RASAL3: variants seen among roughly 807,000 people sequenced by gnomAD.
RASAL3 encodes RAS protein activator like 3, also known as RAS protein activator like-3.
Under a neutral mutation model 105.5 loss-of-function variants are expected in RASAL3, and 74 were observed. The observed-to-expected ratio is 0.70, with a 90% CI of 0.58 to 0.85. RASAL3 has a LOEUF of 0.85. Among genes scored for constraint, RASAL3 ranks in the 40% least tolerant of loss-of-function variants. The pLI, the probability that RASAL3 is intolerant of heterozygous loss-of-function variation, is 0.00. For synonymous variants in RASAL3, 579 were observed against 591.6 expected, an observed-to-expected ratio of 0.98 and a Z score of 0.31; for missense variants, 1,352 against 1,392.0, an observed-to-expected ratio of 0.97 and a Z score of 0.46.
In RASAL3 at chr19:15,456,010, T is replaced by A; in HGVS notation, c.1721+94A>T. Reference sequence around the variant, plus strand: ...AATTATTGCATCAAATTTAACTGAGTGTCTCCTGTATTTTATCTGGCCACC... The same window carrying A: ...AATTATTGCATCAAATTTAACTGAGAGTCTCCTGTATTTTATCTGGCCACC... On this transcript the variant is annotated intron_variant, in intron 11 of 17. Transcript: ENST00000343625. This position sits in a 1 kb window ranked among gnomAD's most constrained non-coding sequence, Gnocchi z 4.4. The A allele has an allele frequency of 7.3e-7, 1 of 1,374,916 alleles. No homozygotes were observed. Among genetic ancestry groups the A allele is most frequent in the Non-Finnish European group, 1.0e-6 (1 of 1,000,460 alleles). 85.2% of individuals were successfully genotyped at this position (1,374,916 alleles called of 1,614,324 possible).
rs755610860 is a variant in RASAL3 at position 15,454,438 on chromosome 19, G to A, written c.2083C>T (p.Gln695Ter). 1.1e-5 allele frequency: 17 copies of A among 1,613,852 alleles called. No individual in the cohort carries two copies. Among genetic ancestry groups the A allele is most frequent in the Non-Finnish European group, 1.4e-5 (17 of 1,179,876 alleles). The change falls in exon 13 of 18, where the codon CAG becomes TAG. Residue 695 changes from glutamine to a stop codon, truncating the protein, a stop_gained. Coordinates refer to ENST00000343625, the MANE Select transcript of RASAL3 (RefSeq NM_022904.3). LOFTEE classifies it high-confidence loss of function. ...VDVDAAPSGYQGSGDLALQLA... is the reference protein window; with the variant it reads ...VDVDAAPSGY ...TGGAGGGCCAGATCACCACTGCCCT[G>A]GTAACCACTGGGGGCAGCATCCACA... is the stretch of plus-strand genomic sequence containing the variant.
chr19:15,462,666 C>T (rs1055403657), intron 2 of RASAL3, among the ~76,000 whole-genome samples: 5 of 151,090 alleles, frequency 3.3e-5, no homozygotes, highest in Non-Finnish European at 5.9e-5. Context: ...ATATGTTGGG[C>T]CTGGGGCCGG....
intron 6 of RASAL3, among the ~76,000 whole-genome samples, chr19:15,459,214 C>T (rs1970431477): frequency 6.9e-6 from 1 of 145,434 alleles, no homozygotes. Context: ...TGTGGGATTA[C>T]AGGTGTGAGC....
chr19:15,452,188 C>G (rs1970171918), intron 16 of RASAL3, 80 bp from the exon 17 acceptor site: 1 of 1,445,528 alleles, frequency 6.9e-7, no homozygotes, highest in Non-Finnish European at 9.7e-7. Flanking sequence ...GCCAGGGACT[C>G]CGGGGGCGGA....
rs578218309 is a variant in RASAL3, at chr19:15,461,205, C to A, written c.544+13G>T. The stretch of plus-strand genomic sequence containing the variant: ...TCCCAAATGCCCCAGGCCTTTCCAC[C>A]CCTCAAGCTTACCTGGATCCCTGAA... On this transcript the variant is annotated intron_variant, in intron 4 of 17. Transcript: ENST00000343625. The A allele has an allele frequency of 1.2e-6, 2 of 1,613,812 alleles. No individual in the cohort carries two copies. The highest frequency in any genetic ancestry group is 1.1e-5 in the South Asian group (1 of 91,074).
intron 5 of RASAL3, among the ~76,000 whole-genome samples, chr19:15,460,774 G>A (rs1375289923): frequency 1.3e-5 from 2 of 152,166 alleles, no homozygotes; most frequent in African/African-American, 4.8e-5. Flanking sequence ...TGCTTAGGCT[G>A]GTGTTGAACT....
At chr19:15,458,785 A>T (rs868137184) in intron 6 of RASAL3, 130 bp from the exon 7 acceptor site, 2 of 1,090,672 alleles carry the variant, frequency 1.8e-6, no homozygotes, top group African/African-American at 2.2e-5. Flanking sequence ...TGCCCCCCCC[A>T]CCCCCCGCCA....
chr19:15,455,778 G>C (rs1007427265), intron 11 of RASAL3, among the ~76,000 whole-genome samples: 4 of 152,166 alleles, frequency 2.6e-5, no homozygotes, highest in Admixed American at 6.5e-5. Context: ...TCCAGCCTCG[G>C]CTGGGAATAC....
chr19:15,452,635 C>A, intron 16 of RASAL3, 23 bp downstream of exon 16: 1 of 1,508,546 alleles, frequency 6.6e-7, no homozygotes, highest in Non-Finnish European at 8.9e-7. Context: ...GGGGGCGGAG[C>A]TAATGGAGAG....
intron 2 of RASAL3, 75 bp downstream of exon 2, chr19:15,463,956 T>C (rs1414135451): frequency 5.2e-6 from 7 of 1,345,154 alleles, no homozygotes; most frequent in Non-Finnish European, 7.0e-6. Context: ...GTATGGTTGA[T>C]GCTCCGGAGG....
At chr19:15,460,125 T>C in intron 6 of RASAL3, 78 bp downstream of exon 6, 8 of 1,234,962 alleles carry the variant, frequency 6.5e-6, no homozygotes, top group South Asian at 5.3e-5. Context: ...TTGGTGTAGA[T>C]TGGAATGATA....
rs1225364403 is a variant in RASAL3, at chr19:15,461,526, A to G, written c.410T>C (p.Ile137Thr). ...APTPNVPVWD[I>T]GGFTLLDGKL... ...CCCATCAAGCAGGGTGAAGCCCCCA[A>G]TGTCCCAGACAGGCACGTTGGGTGT... is the stretch of plus-strand genomic sequence containing the variant. Residue 137 changes from isoleucine (I) to threonine (T), a missense_variant, in exon 3 of 18, where the codon ATT (isoleucine) becomes ACT (threonine). Transcript: ENST00000343625. 5.2e-6 allele frequency: 8 copies of G among 1,543,156 alleles called. No individual in the cohort carries two copies. The highest frequency in any genetic ancestry group is 2.4e-5 in the East Asian group (1 of 41,294).
rs1970334971 is a variant in RASAL3 at position 15,456,771 on chromosome 19, T to C, written c.1432-125A>G. ...CCTTGTAGCTGATGCTTAGGCCCAG[T>C]CCTTACTGCTGGGGCTCATAACCGA... On this transcript the variant is annotated intron_variant, in intron 9 of 17. Transcript: ENST00000343625. The surrounding 1 kb of genome is among the most constrained non-coding windows in gnomAD (Gnocchi z 4.4). 5 of 1,152,884 alleles carry C rather than the reference T, an allele frequency of 4.3e-6. No homozygotes were observed. Among genetic ancestry groups the C allele is most frequent in the Non-Finnish European group, 6.1e-6 (5 of 820,674 alleles). 71.4% of individuals were successfully genotyped at this position (1,152,884 alleles called of 1,614,324 possible).
chr19:15,452,845 C>T, intron 15 of RASAL3, 30 bp from the exon 16 acceptor site: 1 of 1,506,242 alleles, frequency 6.6e-7, no homozygotes, highest in Non-Finnish European at 8.9e-7. Context: ...GTAATCTGAC[C>T]CGTTGTCCCG....
Position 15,457,452 on chromosome 19 carries a change from A to C in RASAL3, c.1271T>G (p.Leu424Arg). The stretch of plus-strand genomic sequence containing the variant: ...GTAGCGCTCGGACGGCAGCACGCGC[A>C]GGCGACGCGCCCGAATCCGCGCCCG... ...ALRARIRARR[L>R]RVLPSERYKE... The change falls in exon 9 of 18, where the codon CTG becomes CGG. Residue 424 changes from leucine to arginine, a missense_variant. Coordinates refer to ENST00000343625, the MANE Select transcript of RASAL3 (RefSeq NM_022904.3). This position sits in a 1 kb window ranked among gnomAD's most constrained non-coding sequence, Gnocchi z 8.6. 7.1e-7 allele frequency: 1 copy of C among 1,403,316 alleles called. No homozygotes were observed. The highest frequency in any genetic ancestry group is 9.3e-7 in the Non-Finnish European group (1 of 1,080,036). 86.9% of individuals were successfully genotyped at this position (1,403,316 alleles called of 1,614,324 possible).
chr19:15,454,960 G>A (rs1033977486), intron 11 of RASAL3, 67 bp from the exon 12 acceptor site: 9 of 1,233,814 alleles, frequency 7.3e-6, no homozygotes, highest in African/African-American at 6.0e-5. Flanking sequence ...AAGTCATAAG[G>A]TTGGGAGTCC....
chr19:15,454,810 C>A lies in RASAL3; in HGVS notation c.1805G>T (p.Arg602Leu), dbSNP rs367775756. ...CAGGAAGAGGGAGGCGCACACCAGT[C>A]GGGGGCCCAGCACCTCAGAGCCACG... ...KERGSEVLGP[R>L]LVCASLFLRL... The change falls in exon 12 of 18, where the codon CGA (arginine) becomes CTA (leucine). Residue 602 changes from arginine to leucine, a missense_variant. Transcript: ENST00000343625. 25 of 1,592,642 alleles carry A rather than the reference C, an allele frequency of 1.6e-5. No individual in the cohort carries two copies. The highest frequency in any genetic ancestry group is 2.3e-5 in the South Asian group (2 of 88,028).
chr19:15,455,302 C>T (rs749505968), intron 11 of RASAL3, among the ~76,000 whole-genome samples: 2 of 152,086 alleles, frequency 1.3e-5, no homozygotes, highest in Non-Finnish European at 2.9e-5. Context: ...GGTCAGAAGT[C>T]ACTTGATTGA....
chr19:15,451,756 C>T lies in RASAL3; in HGVS notation c.*39G>A, dbSNP rs777454309. On this transcript the variant is annotated 3_prime_UTR_variant, in exon 18 of 18. Transcript: ENST00000343625. ...CACCCCCCCTAAGATGGCTATCTCT[C>T]TGCTCCCAGACCACGTGTGATGAGG... is the stretch of plus-strand genomic sequence containing the variant. 5 of 1,560,042 alleles carry T rather than the reference C, an allele frequency of 3.2e-6. No homozygotes were observed. In the African/African-American group the frequency reaches 4.1e-5, roughly 13 times the overall value.
Sources: gnomAD v4.1 joint callset for allele counts (sites outside exome capture counted in the v4.1 genomes callset) on GRCh38, gnomAD v4.1.1 for gene constraint, Gnocchi (gnomAD v3.1) non-coding constraint, MANE v1.5 for transcripts, NCBI Gene and HGNC (gene_info 2026-07-23, HGNC 2026-07-21) for gene names.